COL25A1: variants seen among roughly 807,000 people sequenced by gnomAD.
COL25A1 encodes the protein collagen alpha-1(XXV) chain.
Under a neutral mutation model 128.4 loss-of-function variants are expected in COL25A1, and 103 were observed. The ratio of observed to expected loss-of-function variants is 0.80; its 90% CI spans 0.68 to 0.94. The LOEUF (loss-of-function observed/expected upper bound fraction) is 0.94, where lower values mean the gene tolerates loss of function less well. COL25A1 is among the 40% of genes least tolerant of loss of function. COL25A1 has a pLI of 0.00. For synonymous variants in COL25A1, 279 were observed against 277.2 expected (o/e 1.01, Z -0.06); for missense variants, 745 against 840.0 (o/e 0.89, Z 1.40).
chr4:108,812,735 C>T lies in COL25A1; in HGVS notation c.*1192G>A, dbSNP rs894118346. ...CTCAAACTTTGTAGGAAATGTTTGA[C>T]ATGGTTGGATCGTAGGAGGAAGGAA... On this transcript the variant is annotated 3_prime_UTR_variant, in exon 38 of 38. Transcript: ENST00000399132. The T allele has an allele frequency of 2.6e-5, 4 of 152,128 alleles. No homozygotes were observed. Among genetic ancestry groups the T allele is most frequent in the African/African-American group, 9.7e-5 (4 of 41,410 alleles). The allele number at this position is 152,128 out of a possible 1,614,324, so 9.4% of individuals were successfully genotyped here.
At chr4:108,895,048 C>T (rs1741968234) in intron 16 of COL25A1, among the ~76,000 whole-genome samples, 1 of 151,970 alleles carries the variant, frequency 6.6e-6, no homozygotes, top group Non-Finnish European at 1.5e-5. Flanking sequence ...ATTATCTGGC[C>T]CCAAATGTCA....
At chr4:109,231,127 C>T (rs369151702) in intron 3 of COL25A1, among the ~76,000 whole-genome samples, 259 of 151,332 alleles carry the variant, frequency 1.7e-3, no homozygotes, top group African/African-American at 6.0e-3. Flanking sequence ...GGAACAGAAG[C>T]GAGACTCCAT....
intron 3 of COL25A1, among the ~76,000 whole-genome samples, chr4:109,196,130 G>A (rs1189290834): frequency 6.6e-6 from 1 of 152,168 alleles, no homozygotes; most frequent in East Asian, 1.9e-4. Context: ...GTACACAAGT[G>A]GCTGGGATGA....
chr4:109,136,487 G>T (rs1416620806), intron 3 of COL25A1, among the ~76,000 whole-genome samples: 1 of 152,220 alleles, frequency 6.6e-6, no homozygotes, highest in Non-Finnish European at 1.5e-5. Context: ...GGAAAATTGG[G>T]AGGGATTAGT....
At chr4:109,230,148 G>T (rs1055036696) in intron 3 of COL25A1, among the ~76,000 whole-genome samples, 5 of 152,116 alleles carry the variant, frequency 3.3e-5, no homozygotes, top group African/African-American at 1.2e-4. Flanking sequence ...CAGCATTAGG[G>T]ATTACAATTC....
chr4:109,286,444 T>A (rs1723899815), intron 3 of COL25A1, among the ~76,000 whole-genome samples: 1 of 152,108 alleles, frequency 6.6e-6, no homozygotes, highest in African/African-American at 2.4e-5. Flanking sequence ...TGCCTCCCGG[T>A]GAGAAGATGA....
intron 6 of COL25A1, among the ~76,000 whole-genome samples, chr4:109,004,905 A>G (rs1699482175): frequency 1.3e-5 from 2 of 151,784 alleles, no homozygotes; most frequent in African/African-American, 4.8e-5. Flanking sequence ...TGTTCAGCCT[A>G]TGCGAGACAA....
chr4:108,871,584 G>C (rs2125814013), intron 19 of COL25A1, among the ~76,000 whole-genome samples: 1 of 152,300 alleles, frequency 6.6e-6, no homozygotes, highest in South Asian at 2.1e-4. Context: ...CCAAAGTGCT[G>C]GGATTACAGG....
At chr4:108,876,624 C>T (rs1415269220) in intron 19 of COL25A1, among the ~76,000 whole-genome samples, 1 of 152,108 alleles carries the variant, frequency 6.6e-6, no homozygotes, top group Non-Finnish European at 1.5e-5. Context: ...ACCCTTAAGA[C>T]AATCCAAAAT....
At chr4:109,075,830 A>C (rs1346401931) in intron 3 of COL25A1, among the ~76,000 whole-genome samples, 1 of 152,188 alleles carries the variant, frequency 6.6e-6, no homozygotes, top group Non-Finnish European at 1.5e-5. Context: ...GTGTTTCCTG[A>C]GAATTCTAAC....
chr4:108,947,442 CAAAAAA>C (rs371935048), intron 8 of COL25A1, among the ~76,000 whole-genome samples: 1 of 120,456 alleles, frequency 8.3e-6, no homozygotes, highest in East Asian at 2.3e-4. Context: ...AACTCCGTCT[CAAAAAA>C]AAAAGAAAAA....
chr4:109,012,647 G>GCTTGAAT (rs1420853242), intron 5 of COL25A1, among the ~76,000 whole-genome samples: 1 of 152,150 alleles, frequency 6.6e-6, no homozygotes. Context: ...GGGGCGCCAG[G>GCTTGAAT]TCCCCCGGCA....
intron 3 of COL25A1, among the ~76,000 whole-genome samples, chr4:109,159,971 A>C (rs997139667): frequency 7.2e-5 from 11 of 152,254 alleles, no homozygotes; most frequent in Non-Finnish European, 1.6e-4. Flanking sequence ...ACCACAGTAC[A>C]AATGACACAA....
chr4:109,214,616 ATATATATAATC>A (rs1167803249), intron 3 of COL25A1, among the ~76,000 whole-genome samples: 1 of 126,402 alleles, frequency 7.9e-6, no homozygotes, highest in Admixed American at 8.1e-5. Context: ...ATATATATAC[ATATATATAATC>A]TAAAACAAGT....
At chr4:109,055,568 G>A (rs1403873692) in intron 3 of COL25A1, among the ~76,000 whole-genome samples, 10 of 152,070 alleles carry the variant, frequency 6.6e-5, no homozygotes, top group South Asian at 2.1e-4. Flanking sequence ...CAACCAGTGC[G>A]AACTTTCCAA....
At chr4:108,922,226 G>A (rs1745570529) in intron 11 of COL25A1, among the ~76,000 whole-genome samples, 1 of 152,156 alleles carries the variant, frequency 6.6e-6, no homozygotes, top group Non-Finnish European at 1.5e-5. Flanking sequence ...TGCTAAGTAA[G>A]GGCAGAATTT....
chr4:108,914,314 C>A (rs1010733521), intron 13 of COL25A1, among the ~76,000 whole-genome samples: 1 of 152,066 alleles, frequency 6.6e-6, no homozygotes, highest in Non-Finnish European at 1.5e-5. Context: ...CCTTTGAATG[C>A]AGAGAAAAAA....
At chr4:109,209,813 G>A (rs968619365) in intron 3 of COL25A1, among the ~76,000 whole-genome samples, 1 of 152,082 alleles carries the variant, frequency 6.6e-6, no homozygotes, top group Non-Finnish European at 1.5e-5. Context: ...AGCACTTTGG[G>A]AGACTGGGCT....
chr4:109,248,127 T>C (rs559876697), intron 3 of COL25A1, among the ~76,000 whole-genome samples: 1 of 152,162 alleles, frequency 6.6e-6, no homozygotes, highest in East Asian at 1.9e-4. Context: ...TGTAAATATA[T>C]ATGTATATTT....
Sources: gnomAD v4.1 joint callset for allele counts (sites outside exome capture counted in the v4.1 genomes callset) on GRCh38, gnomAD v4.1.1 for gene constraint, MANE v1.5 for transcripts, NCBI Gene and HGNC (gene_info 2026-07-23, HGNC 2026-07-21) for gene names.